Variants in PTBP3 observed in about 807,000 individuals in gnomAD.
PTBP3 encodes the protein polypyrimidine tract binding protein 3.
A neutral mutation model predicts 58.7 loss-of-function variants in PTBP3; 20 were observed. That is an observed-to-expected ratio of 0.34 (90% CI 0.24 to 0.50). The LOEUF is 0.50. Ranked by LOEUF, PTBP3 falls within the 20% of genes least tolerant of loss-of-function variation. The probability of loss-of-function intolerance (pLI) is 0.98; values close to 1 mark genes in which losing one functional copy is unlikely to be tolerated. For missense variants in PTBP3, 509 were observed against 637.2 expected (o/e 0.80, Z 2.17); for synonymous variants, 185 against 219.8 (o/e 0.84, Z 1.40).
At chr9:112,346,665 G>A in the PTBP3 span, among the ~76,000 whole-genome samples, 1 of 152,190 alleles carries the variant, frequency 6.6e-6, no homozygotes, top group African/African-American at 2.4e-5. Flanking sequence ...GGATATAAAA[G>A]GTGTTCTTAA....
intron 1 of PTBP3, among the ~76,000 whole-genome samples, chr9:112,310,852 T>C (rs570961886): frequency 1.4e-4 from 21 of 152,132 alleles, no homozygotes; most frequent in Non-Finnish European, 2.1e-4. Flanking sequence ...AAGAATGTTG[T>C]AGGTAGAGGA....
At chr9:112,301,041 G>A (rs7853876) in intron 1 of PTBP3, among the ~76,000 whole-genome samples, 129,011 of 151,972 alleles carry the variant, frequency 0.85, 55,185 homozygotes, top group African/African-American at 0.95. Flanking sequence ...AAACTTTTGT[G>A]TTTCAAAGAA....
rs1235753949 is a variant in PTBP3, at chr9:112,220,342, G to C, written c.*3509C>G. On this transcript the variant is annotated 3_prime_UTR_variant, in exon 14 of 14. Transcript: ENST00000374257. ...GCACTGTGGGGAGGTGGAAGCAGGA[G>C]AATCACTTGAGCCCAGGAGTTGGCG... is the stretch of plus-strand genomic sequence containing the variant. 7.8e-7 allele frequency: 1 copy of C among 1,288,406 alleles called. No homozygotes were observed. The highest frequency in any genetic ancestry group is 5.4e-5 in the East Asian group (1 of 18,586). The allele number at this position is 1,288,406 out of a possible 1,614,324, so 79.8% of individuals were successfully genotyped here.
intron 1 of PTBP3, among the ~76,000 whole-genome samples, chr9:112,326,593 T>G (rs574756299): frequency 6.6e-6 from 1 of 152,246 alleles, no homozygotes; most frequent in Non-Finnish European, 1.5e-5. Context: ...CCCATATATG[T>G]GAGTTTTTCA....
chr9:112,352,447 A>C, the PTBP3 span, among the ~76,000 whole-genome samples: 1 of 152,182 alleles, frequency 6.6e-6, no homozygotes, highest in African/African-American at 2.4e-5. Context: ...TTAACCCTTC[A>C]GCCTCCCTTC....
intron 1 of PTBP3, among the ~76,000 whole-genome samples, chr9:112,327,800 A>G (rs1236548787): frequency 4.3e-5 from 2 of 46,616 alleles, no homozygotes; most frequent in African/African-American, 3.9e-4. Flanking sequence ...CTAATAGAGG[A>G]AAAAAAAAAA....
chr9:112,379,865 T>G, the PTBP3 span: 4 of 532,574 alleles, frequency 7.5e-6, no homozygotes, highest in Admixed American at 3.8e-5. Flanking sequence ...GGAGCCTGAT[T>G]GTCACCGTAC....
Position 112,222,030 on chromosome 9 carries a change from G to C in PTBP3, c.*1821C>G. On this transcript the variant is annotated 3_prime_UTR_variant, in exon 14 of 14. Transcript: ENST00000374257. ...CTGGGCTCAAGTGATCCTCCTGCCT[G>C]TAGCCTCCTGCCTACAGGCTCAGCC... is the stretch of plus-strand genomic sequence containing the variant. 1.1e-6 allele frequency: 1 copy of C among 943,546 alleles called. No homozygotes were observed. The highest frequency in any genetic ancestry group is 1.3e-6 in the Non-Finnish European group (1 of 791,544). The allele number at this position is 943,546 out of a possible 1,614,324, so 58.4% of individuals were successfully genotyped here. A position where few individuals can be genotyped will look rare whatever the true frequency, so the allele number is the denominator to read the frequency against.
the PTBP3 span, among the ~76,000 whole-genome samples, chr9:112,355,145 G>C: frequency 1.3e-5 from 2 of 152,174 alleles, no homozygotes; most frequent in Non-Finnish European, 2.9e-5. Flanking sequence ...ATTCAGACCT[G>C]AGAAAATGCT....
At chr9:112,313,766 G>A (rs949338123) in intron 1 of PTBP3, among the ~76,000 whole-genome samples, 2 of 152,174 alleles carry the variant, frequency 1.3e-5, no homozygotes, top group Admixed American at 6.5e-5. Context: ...GTAGATTTAA[G>A]TCCACCATCT....
At chr9:112,285,710 A>G (rs1828082745) in intron 2 of PTBP3, among the ~76,000 whole-genome samples, 1 of 152,218 alleles carries the variant, frequency 6.6e-6, no homozygotes, top group Non-Finnish European at 1.5e-5. Context: ...GAATTTCATG[A>G]AAGTTTCGTG....
At chr9:112,247,397 C>T (rs951852822) in intron 7 of PTBP3, among the ~76,000 whole-genome samples, 1 of 151,818 alleles carries the variant, frequency 6.6e-6, no homozygotes, top group Non-Finnish European at 1.5e-5. Context: ...TAGCCCGATA[C>T]TTGTTTGGAT....
intron 7 of PTBP3, among the ~76,000 whole-genome samples, chr9:112,250,243 CT>C (rs1199287605): frequency 6.6e-6 from 1 of 152,042 alleles, no homozygotes; most frequent in African/African-American, 2.4e-5. Context: ...GGTAGTAATA[CT>C]TTAAGTAATA....
intron 1 of PTBP3, among the ~76,000 whole-genome samples, chr9:112,315,441 A>G (rs4352916): frequency 0.84 from 127,699 of 151,960 alleles, 53,952 homozygotes; most frequent in African/African-American, 0.92. Flanking sequence ...ATTAAAGCCC[A>G]GCCATATCAA....
chr9:112,355,632 T>C, the PTBP3 span, among the ~76,000 whole-genome samples: 2 of 150,450 alleles, frequency 1.3e-5, no homozygotes, highest in African/African-American at 4.9e-5. Flanking sequence ...TTTTTTTTTT[T>C]TTTTTTTTTG....
the PTBP3 span, among the ~76,000 whole-genome samples, chr9:112,359,992 C>A: frequency 6.6e-6 from 1 of 152,200 alleles, no homozygotes; most frequent in African/African-American, 2.4e-5. Flanking sequence ...GAGGAACTTT[C>A]AGTTTCTCTA....
intron 4 of PTBP3, 146 bp downstream of exon 4, chr9:112,267,903 G>A (rs1827167566): frequency 3.0e-6 from 2 of 655,842 alleles, no homozygotes; most frequent in Non-Finnish European, 4.5e-6. Context: ...CTTAAGAATT[G>A]GGGGGAAGAA....
chr9:112,222,787 A>G lies in PTBP3; in HGVS notation c.*1064T>C, dbSNP rs528019087. On this transcript the variant is annotated 3_prime_UTR_variant, in exon 14 of 14. Transcript: ENST00000374257. ...AACTCTAACCTATTGTATCTTAAGC[A>G]CATAATAAGGCACATAATAAGAAAT... 4.8e-5 allele frequency: 45 copies of G among 929,264 alleles called. No individual in the cohort carries two copies. In the South Asian group the frequency reaches 1.8e-3, roughly 38 times the overall value. 57.6% of individuals were successfully genotyped at this position (929,264 alleles called of 1,614,324 possible).
At chr9:112,371,164 G>A in the PTBP3 span, among the ~76,000 whole-genome samples, 1 of 152,100 alleles carries the variant, frequency 6.6e-6, no homozygotes, top group Non-Finnish European at 1.5e-5. Context: ...TTGAATATAA[G>A]TGCCCAAAGT....
Sources: gnomAD v4.1 joint callset for allele counts (sites outside exome capture counted in the v4.1 genomes callset) on GRCh38, gnomAD v4.1.1 for gene constraint, MANE v1.5 for transcripts, NCBI Gene and HGNC (gene_info 2026-07-23, HGNC 2026-07-21) for gene names.